CHL1: variants seen among roughly 807,000 people sequenced by gnomAD.
CHL1 encodes cell adhesion molecule L1 like.
Under a neutral mutation model 141.9 loss-of-function variants are expected in CHL1, and 96 were observed. That is an observed-to-expected ratio of 0.68 (90% CI 0.57 to 0.80). The LOEUF is 0.80. Ranked by LOEUF, CHL1 falls within the 30% of genes least tolerant of loss-of-function variation. The pLI is 0.00. For synonymous variants in CHL1, 613 were observed against 502.2 expected, an observed-to-expected ratio of 1.22 and a Z score of -2.95; for missense variants, 1,820 against 1,457.2, an observed-to-expected ratio of 1.25 and a Z score of -4.05.
chr3:301,887 G>C (rs561289568), intron 2 of CHL1, among the ~76,000 whole-genome samples: 1 of 152,018 alleles, frequency 6.6e-6, no homozygotes, highest in Non-Finnish European at 1.5e-5. Flanking sequence ...TCTCCTAATG[G>C]TATCCCTCCC....
chr3:299,668 C>T (rs1292964039), intron 2 of CHL1, among the ~76,000 whole-genome samples: 1 of 152,140 alleles, frequency 6.6e-6, no homozygotes, highest in Non-Finnish European at 1.5e-5. Context: ...GCCTCCATAA[C>T]TCTCTTACTG....
At chr3:322,345 G>A (rs1427255376) in intron 3 of CHL1, among the ~76,000 whole-genome samples, 1 of 151,722 alleles carries the variant, frequency 6.6e-6, no homozygotes, top group Non-Finnish European at 1.5e-5. Flanking sequence ...GTTTGGAAAG[G>A]CATTTAGTTT....
At chr3:219,245 C>T (rs116282285) in intron 1 of CHL1, among the ~76,000 whole-genome samples, 1 of 152,018 alleles carries the variant, frequency 6.6e-6, no homozygotes, top group Non-Finnish European at 1.5e-5. Context: ...TTAGGTCAAC[C>T]GTTGTAGAAG....
chr3:211,216 C>T (rs928992524), intron 1 of CHL1, among the ~76,000 whole-genome samples: 1 of 152,128 alleles, frequency 6.6e-6, no homozygotes, highest in African/African-American at 2.4e-5. Flanking sequence ...TTGATTACAG[C>T]CACAAATGGA....
At chr3:218,190 G>A (rs1700497559) in intron 1 of CHL1, among the ~76,000 whole-genome samples, 2 of 152,162 alleles carry the variant, frequency 1.3e-5, no homozygotes, top group African/African-American at 4.8e-5. Context: ...CCTCAGGGCT[G>A]GGATGGGTGA....
chr3:231,447 T>G (rs1291874213), intron 1 of CHL1, among the ~76,000 whole-genome samples: 1 of 152,114 alleles, frequency 6.6e-6, no homozygotes, highest in Admixed American at 6.6e-5. Context: ...TTGAACTAAG[T>G]TTCAAAGTTT....
At chr3:296,557 A>G (rs1196933114) in intron 2 of CHL1, among the ~76,000 whole-genome samples, 2 of 152,172 alleles carry the variant, frequency 1.3e-5, no homozygotes, top group Non-Finnish European at 2.9e-5. Context: ...CACAGAGGAA[A>G]AGAGGCTTTG....
chr3:289,109 G>C (rs1202047254), intron 2 of CHL1, among the ~76,000 whole-genome samples: 1 of 152,018 alleles, frequency 6.6e-6, no homozygotes, highest in Non-Finnish European at 1.5e-5. Context: ...TAATATCTTG[G>C]CATCACTTAC....
chr3:295,077 C>T (rs1484137440), intron 2 of CHL1, among the ~76,000 whole-genome samples: 2 of 152,022 alleles, frequency 1.3e-5, no homozygotes, highest in Admixed American at 6.6e-5. Context: ...TCTTTTCTTT[C>T]TTTGCCTCCT....
At chr3:242,443 A>G (rs577176371) in intron 1 of CHL1, among the ~76,000 whole-genome samples, 4 of 136,880 alleles carry the variant, frequency 2.9e-5, no homozygotes, top group Non-Finnish European at 6.3e-5. Flanking sequence ...AAAAATACAA[A>G]AAATTATCCC....
intron 2 of CHL1, among the ~76,000 whole-genome samples, chr3:245,281 T>G (rs992630901): frequency 6.6e-6 from 1 of 152,166 alleles, no homozygotes; most frequent in African/African-American, 2.4e-5. Context: ...AAAGTTCACA[T>G]TGGAAGGAGG....
chr3:248,606 C>G lies in CHL1; in HGVS notation c.-95+3914C>G, dbSNP rs561750054. The G allele has an allele frequency of 2.6e-5, 4 of 152,182 alleles. No homozygotes were observed. The South Asian group carries it at 8.3e-4, about 32-fold the overall frequency. 9.4% of individuals were successfully genotyped at this position (152,182 alleles called of 1,614,324 possible). A position where few individuals can be genotyped will look rare whatever the true frequency, so the allele number is the denominator to read the frequency against. On this transcript the variant is annotated intron_variant, in intron 2 of 27. Coordinates refer to ENST00000256509, the MANE Select transcript of CHL1 (RefSeq NM_006614.4). ...ATGTATTTATTACTTCCAAAAGTTT[C>G]CTCTGTCCCTCTGTTTTTGTTTGTA...
chr3:236,332 C>G (rs1691975965), intron 1 of CHL1, among the ~76,000 whole-genome samples: 1 of 152,140 alleles, frequency 6.6e-6, no homozygotes, highest in African/African-American at 2.4e-5. Context: ...CATGCTGGAG[C>G]TGGATGAAAA....
chr3:231,642 A>G (rs982225295), intron 1 of CHL1, among the ~76,000 whole-genome samples: 3 of 144,514 alleles, frequency 2.1e-5, no homozygotes, highest in African/African-American at 5.1e-5. Flanking sequence ...CAGTGGCACA[A>G]TCCTGGTTTA....
At chr3:232,601 ATATTTTT>A (rs1263360173) in intron 1 of CHL1, among the ~76,000 whole-genome samples, 2 of 152,114 alleles carry the variant, frequency 1.3e-5, no homozygotes, top group Non-Finnish European at 2.9e-5. Flanking sequence ...TCGTACTTAG[ATATTTTT>A]TACAGATCGA....
chr3:279,592 C>G lies in CHL1; in HGVS notation c.-95+34900C>G, dbSNP rs528168414. Among the ~76,000 whole-genome samples, 5 of 152,212 alleles carry G rather than the reference C, an allele frequency of 3.3e-5. 1 individual carries two copies. Among genetic ancestry groups the G allele is most frequent in the African/African-American group, 1.2e-4 (5 of 41,542 alleles). On this transcript the variant is annotated intron_variant, in intron 2 of 27. Coordinates refer to ENST00000256509, the MANE Select transcript of CHL1 (RefSeq NM_006614.4). Reference sequence around the variant, plus strand: ...TTTTTCCTGGCATTTCTTAAATGGTCTTTTTTATTCACTGAATCTCCTTTG... The same window carrying G: ...TTTTTCCTGGCATTTCTTAAATGGTGTTTTTTATTCACTGAATCTCCTTTG...
chr3:214,254 G>A (rs528386027), intron 1 of CHL1, among the ~76,000 whole-genome samples: 34 of 152,256 alleles, frequency 2.2e-4, no homozygotes, highest in Admixed American at 1.2e-3. Flanking sequence ...TCAGAGTACT[G>A]CTAATTCCAT....
rs151237135 is a variant in CHL1 at position 227,436 on chromosome 3, C to T, written c.-174-17177C>T. On this transcript the variant is annotated intron_variant, in intron 1 of 27. Coordinates refer to ENST00000256509, the MANE Select transcript of CHL1 (RefSeq NM_006614.4). ...CAAACATATGAACAGAAAACCTCGT[C>T]TTTTCTCAAACATCCTCAATGACTG... 9.1e-4 allele frequency among the ~76,000 whole-genome samples: 138 copies of T among 152,266 alleles called. 1 individual carries two copies. The highest frequency in any genetic ancestry group is 3.2e-3 in the African/African-American group (134 of 41,554).
chr3:381,459 G>T (rs1051755784), intron 16 of CHL1, among the ~76,000 whole-genome samples: 1 of 152,176 alleles, frequency 6.6e-6, no homozygotes, highest in Non-Finnish European at 1.5e-5. Flanking sequence ...CCTCCCCAGT[G>T]GCTTGCAGGT....
Sources: allele counts gnomAD v4.1 joint callset (sites outside exome capture counted in the v4.1 genomes callset), GRCh38; gene constraint gnomAD v4.1.1; transcripts MANE v1.5; gene names NCBI Gene and HGNC (gene_info 2026-07-23, HGNC 2026-07-21).